TMEM236: variants seen among roughly 807,000 people sequenced by gnomAD.
TMEM236 encodes family with sequence similarity 23, member A.
Under a neutral mutation model 14.7 loss-of-function variants are expected in TMEM236, and 11 were observed. The ratio of observed to expected loss-of-function variants is 0.75; its 90% CI spans 0.47 to 1.24. The LOEUF (loss-of-function observed/expected upper bound fraction) is 1.24. TMEM236 is among the 50% of genes most tolerant of loss of function. The probability of loss-of-function intolerance (pLI) is 0.00; values close to 1 mark genes in which losing one functional copy is unlikely to be tolerated. For synonymous variants in TMEM236, 182 were observed against 168.6 expected (o/e 1.08, Z -0.62); for missense variants, 464 against 427.3 (o/e 1.09, Z -0.76).
Position 17,796,457 on chromosome 10 carries a change from C to G in TMEM236, c.1009C>G (p.Leu337Val). 1.2e-6 allele frequency: 2 copies of G among 1,613,698 alleles called. No homozygotes were observed. Among genetic ancestry groups the G allele is most frequent in the Non-Finnish European group, 1.7e-6 (2 of 1,179,816 alleles). ...VTLSYIYFNY[L>V]TRIRIFSAFE... ...TCTCTCTTACATTTACTTCAATTAC[C>G]TAACCAGAATCAGGATTTTTTCTGC... The change falls in exon 4 of 4, where the codon CTA (leucine) becomes GTA (valine). Residue 337 changes from leucine to valine, a missense_variant. Transcript: ENST00000377495.
At chr10:17,757,598 C>CAAAAAAA (rs143988279) in intron 1 of TMEM236, among the ~76,000 whole-genome samples, 1 of 98,692 alleles carries the variant, frequency 1.0e-5, no homozygotes, top group African/African-American at 3.7e-5. Flanking sequence ...AACCCTGTCT[C>CAAAAAAA]AAAAAAAAAA....
chr10:17,790,973 G>C (rs1837915289), intron 3 of TMEM236, among the ~76,000 whole-genome samples: 1 of 152,124 alleles, frequency 6.6e-6, no homozygotes, highest in South Asian at 2.1e-4. Context: ...AATAAACTTA[G>C]AATAAAATCC....
intron 1 of TMEM236, among the ~76,000 whole-genome samples, chr10:17,766,247 C>T (rs201569822): frequency 0.51 from 77,804 of 151,986 alleles, 20,169 homozygotes; most frequent in South Asian, 0.6. Context: ...GAAACATCCT[C>T]GGTTAAATAT....
At chr10:17,768,726 CATGTGTGTGT>C (rs1837516982) in intron 1 of TMEM236, among the ~76,000 whole-genome samples, 1 of 122,552 alleles carries the variant, frequency 8.2e-6, no homozygotes, top group African/African-American at 3.2e-5. Context: ...GTATACAACT[CATGTGTGTGT>C]GTGTGTGTGT....
intron 3 of TMEM236, among the ~76,000 whole-genome samples, chr10:17,778,426 C>T (rs1026412618): frequency 1.3e-4 from 20 of 152,164 alleles, no homozygotes; most frequent in Admixed American, 1.3e-3. Flanking sequence ...GAGGTTTTCT[C>T]ATTTATTACT....
intron 1 of TMEM236, among the ~76,000 whole-genome samples, chr10:17,767,906 T>TC (rs1347733034): frequency 7.2e-6 from 1 of 138,428 alleles, no homozygotes; most frequent in Non-Finnish European, 1.5e-5. Flanking sequence ...TCTTAAGTAC[T>TC]CCCCATCTTT....
intron 1 of TMEM236, among the ~76,000 whole-genome samples, chr10:17,753,329 A>G (rs1269639228): frequency 6.6e-6 from 1 of 152,228 alleles, no homozygotes; most frequent in East Asian, 1.9e-4. Flanking sequence ...GATTTGTCGT[A>G]CAGATTATTT....
At chr10:17,792,542 TC>T (rs1837943462) in intron 3 of TMEM236, among the ~76,000 whole-genome samples, 1 of 152,212 alleles carries the variant, frequency 6.6e-6, no homozygotes, top group African/African-American at 2.4e-5. Context: ...TAAAAATAAA[TC>T]CATAAATAAA....
intron 1 of TMEM236, among the ~76,000 whole-genome samples, chr10:17,758,254 A>T (rs1162275282): frequency 6.6e-6 from 1 of 152,202 alleles, no homozygotes; most frequent in Non-Finnish European, 1.5e-5. Flanking sequence ...ATAGTCAAAT[A>T]GTTGTTTATG....
intron 3 of TMEM236, among the ~76,000 whole-genome samples, chr10:17,790,858 G>A (rs1404853250): frequency 6.6e-6 from 1 of 152,172 alleles, no homozygotes; most frequent in Admixed American, 6.5e-5. Flanking sequence ...TGGCTGCTGT[G>A]AATTGGGTAA....
intron 3 of TMEM236, among the ~76,000 whole-genome samples, chr10:17,790,432 T>C (rs1837907824): frequency 6.6e-6 from 1 of 152,170 alleles, no homozygotes; most frequent in Non-Finnish European, 1.5e-5. Context: ...TGAGTGAGCC[T>C]GTAGTCCCAG....
Position 17,796,014 on chromosome 10 carries a change from C to G in TMEM236, c.566C>G (p.Pro189Arg). 6.2e-7 allele frequency: 1 copy of G among 1,613,906 alleles called. No individual in the cohort carries two copies. Among genetic ancestry groups the G allele is most frequent in the Non-Finnish European group, 8.5e-7 (1 of 1,179,844 alleles). The change falls in exon 4 of 4, where the codon CCC becomes CGC. Residue 189 changes from proline to arginine, a missense_variant. By Grantham distance (103) the Pro-to-Arg change is moderately radical (BLOSUM62 -2). Coordinates refer to ENST00000377495, the MANE Select transcript of TMEM236 (RefSeq NM_001098844.3). Reference sequence around the variant, plus strand: ...CAAAGTCCAGAAAACGCTGCATCTCCCCAGGCAACCAACAGCACCCAGGTG... The same window carrying G: ...CAAAGTCCAGAAAACGCTGCATCTCGCCAGGCAACCAACAGCACCCAGGTG... ...VRQSPENAAS[P>R]QATNSTQVSQ...
intron 3 of TMEM236, among the ~76,000 whole-genome samples, chr10:17,784,095 G>A (rs1330442362): frequency 1.3e-5 from 2 of 152,010 alleles, no homozygotes; most frequent in African/African-American, 4.8e-5. Flanking sequence ...AAATTTTGAT[G>A]TCATCCAAGC....
intron 3 of TMEM236, among the ~76,000 whole-genome samples, chr10:17,792,158 G>A (rs1362868983): frequency 1.3e-5 from 2 of 152,124 alleles, no homozygotes; most frequent in Non-Finnish European, 2.9e-5. Flanking sequence ...TGCAATCTCG[G>A]CTCACTGCAA....
intron 1 of TMEM236, among the ~76,000 whole-genome samples, chr10:17,764,588 T>G (rs1361871748): frequency 1.3e-5 from 2 of 152,198 alleles, no homozygotes; most frequent in African/African-American, 4.8e-5. Context: ...TTTCAAATTC[T>G]GAAATACCTG....
rs1838014975 is a variant in TMEM236 at position 17,796,343 on chromosome 10, T to A, written c.895T>A (p.Leu299Ile). The change falls in exon 4 of 4, where the codon TTA (leucine) becomes ATA (isoleucine). Residue 299 changes from leucine (L) to isoleucine (I), a missense_variant. Transcript: ENST00000377495. ...TTCCCTGAGCGTCCTGCTGCAAGAT[T>A]TACCATTCGTTTTTGTTAGACTTGG... The part of the protein sequence containing the change: ...LNSLSVLLQD[L>I]PFVFVRLGLI... The A allele has an allele frequency of 1.9e-6, 3 of 1,613,922 alleles. No individual in the cohort carries two copies. Among genetic ancestry groups the A allele is most frequent in the African/African-American group, 1.3e-5 (1 of 75,024 alleles).
chr10:17,775,399 C>A (rs1327614213), intron 2 of TMEM236, among the ~76,000 whole-genome samples: 1 of 152,150 alleles, frequency 6.6e-6, no homozygotes, highest in African/African-American at 2.4e-5. Context: ...CTCAGCCTCT[C>A]GAGTAGCTCG....
chr10:17,765,400 A>C (rs1355410076), intron 1 of TMEM236, among the ~76,000 whole-genome samples: 1 of 152,130 alleles, frequency 6.6e-6, no homozygotes, highest in Admixed American at 6.5e-5. Flanking sequence ...CATCAACTCT[A>C]AGTCCCAAAT....
chr10:17,766,811 A>G (rs1306977781), intron 1 of TMEM236, among the ~76,000 whole-genome samples: 3 of 152,058 alleles, frequency 2.0e-5, no homozygotes, highest in Admixed American at 6.5e-5. Context: ...CTTCCGAGGG[A>G]TATGAGAGAG....
Sources: allele counts gnomAD v4.1 joint callset (sites outside exome capture counted in the v4.1 genomes callset), GRCh38; gene constraint gnomAD v4.1.1; transcripts MANE v1.5; gene names NCBI Gene and HGNC (gene_info 2026-07-23, HGNC 2026-07-21).